Variants in ARHGAP28 observed in about 807,000 individuals in gnomAD.
The protein encoded by ARHGAP28 is Rho GTPase activating protein 28.
ARHGAP28 carries 56 observed loss-of-function variants against 90.7 expected under a neutral mutation model. The ratio of observed to expected loss-of-function variants is 0.62; its 90% CI spans 0.50 to 0.77. The LOEUF is 0.77. Among genes scored for constraint, ARHGAP28 ranks in the 30% least tolerant of loss-of-function variants. The pLI is 0.00. For synonymous variants in ARHGAP28, 308 were observed against 323.3 expected (o/e 0.95, Z 0.51); for missense variants, 869 against 900.9 (o/e 0.96, Z 0.45).
chr18:6,841,970 G>T (rs1178863515), intron 3 of ARHGAP28, among the ~76,000 whole-genome samples: 1 of 152,114 alleles, frequency 6.6e-6, no homozygotes, highest in Non-Finnish European at 1.5e-5. Flanking sequence ...TGCACTGTTT[G>T]GATTGAACCT....
intron 1 of ARHGAP28, among the ~76,000 whole-genome samples, chr18:6,733,445 A>AT (rs1014096626): frequency 1.6e-4 from 24 of 151,970 alleles, no homozygotes; most frequent in African/African-American, 5.6e-4. Flanking sequence ...CTTTTTTTAT[A>AT]TATAATTTCT....
At chr18:6,787,281 G>GA (rs143790742) in intron 1 of ARHGAP28, among the ~76,000 whole-genome samples, 262 of 106,680 alleles carry the variant, frequency 2.5e-3, no homozygotes, top group Non-Finnish European at 2.8e-3. Flanking sequence ...TTGAGGATAA[G>GA]AAAAAAAAAA....
rs187218509 is a variant in ARHGAP28, at chr18:6,915,275, G to A, written c.*3121G>A. Reference sequence around the variant, plus strand: ...TCAGGCATTTTCATCTGCTGTCCACGTATTTCACTTGACTGAAAGCTCATA... The same window carrying A: ...TCAGGCATTTTCATCTGCTGTCCACATATTTCACTTGACTGAAAGCTCATA... On this transcript the variant is annotated 3_prime_UTR_variant, in exon 18 of 18. Coordinates refer to ENST00000383472, the MANE Select transcript of ARHGAP28 (RefSeq NM_001366230.1). 3.7e-4 allele frequency: 57 copies of A among 152,216 alleles called. No homozygotes were observed. The highest frequency in any genetic ancestry group is 2.9e-3 in the Admixed American group (45 of 15,290). The allele number at this position is 152,216 out of a possible 1,614,324, so 9.4% of individuals were successfully genotyped here.
intron 9 of ARHGAP28, chr18:6,874,560 A>G (rs1399063282): frequency 1.3e-5 from 2 of 152,170 alleles, no homozygotes; most frequent in Non-Finnish European, 2.9e-5. Context: ...ATTTTGTGGA[A>G]TTTTAAATTG....
intron 15 of ARHGAP28, among the ~76,000 whole-genome samples, chr18:6,895,216 C>T (rs190678876): frequency 5.3e-5 from 8 of 152,214 alleles, no homozygotes; most frequent in Admixed American, 5.2e-4. Context: ...CATAGACGAT[C>T]AAAGGTGAAC....
At chr18:6,780,862 C>T (rs2056318833) in intron 1 of ARHGAP28, among the ~76,000 whole-genome samples, 1 of 149,066 alleles carries the variant, frequency 6.7e-6, no homozygotes, top group African/African-American at 2.5e-5. Flanking sequence ...ATTTGCACTC[C>T]AGCCTAGGCA....
intron 3 of ARHGAP28, among the ~76,000 whole-genome samples, chr18:6,846,829 T>A (rs1443997445): frequency 6.6e-6 from 1 of 152,190 alleles, no homozygotes; most frequent in Non-Finnish European, 1.5e-5. Context: ...GGGAAAGCTC[T>A]CCACCCTTGG....
intron 1 of ARHGAP28, among the ~76,000 whole-genome samples, chr18:6,783,173 C>T (rs2056338579): frequency 6.6e-6 from 1 of 152,142 alleles, no homozygotes; most frequent in Admixed American, 6.5e-5. Flanking sequence ...TTTAATGCTC[C>T]CCCTGCTTAC....
chr18:6,806,269 T>C (rs2056518534), intron 1 of ARHGAP28, among the ~76,000 whole-genome samples: 1 of 152,198 alleles, frequency 6.6e-6, no homozygotes, highest in African/African-American at 2.4e-5. Context: ...TTGCTTAACA[T>C]CTCTTTGTTG....
chr18:6,905,739 T>C (rs979158829), intron 16 of ARHGAP28, among the ~76,000 whole-genome samples: 1 of 152,152 alleles, frequency 6.6e-6, no homozygotes, highest in Non-Finnish European at 1.5e-5. Flanking sequence ...TCAATCACAT[T>C]GGAACATGTG....
chr18:6,827,610 G>A (rs1313645158), intron 2 of ARHGAP28, among the ~76,000 whole-genome samples: 2 of 135,412 alleles, frequency 1.5e-5, no homozygotes, highest in Admixed American at 7.2e-5. Flanking sequence ...ACCTCCCTCC[G>A]AGACGGGGCG....
intron 1 of ARHGAP28, among the ~76,000 whole-genome samples, chr18:6,744,972 T>C (rs1237849080): frequency 6.6e-6 from 1 of 151,916 alleles, no homozygotes; most frequent in Non-Finnish European, 1.5e-5. Context: ...AATTTAATTA[T>C]ATTTAATTTA....
chr18:6,905,636 C>T (rs1352408750), intron 16 of ARHGAP28, among the ~76,000 whole-genome samples: 2 of 152,016 alleles, frequency 1.3e-5, no homozygotes, highest in Non-Finnish European at 2.9e-5. Flanking sequence ...TAATTATCTA[C>T]ATATAAAATT....
chr18:6,864,788 T>C lies in ARHGAP28; in HGVS notation c.727-3362T>C, dbSNP rs60316796. Among the ~76,000 whole-genome samples the C allele has an allele frequency of 0.026, 3,956 of 152,222 alleles. 273 individuals are homozygous for C. In the East Asian group the frequency reaches 0.28, roughly 11 times the overall value. On this transcript the variant is annotated intron_variant, in intron 5 of 17. Transcript: ENST00000383472. ...CAGCCTTGAATGACTGGGTTCAAGCTGTTGGCCTATTTCTGCTTCCCCAGT... is the reference window on the plus strand; with the variant it reads ...CAGCCTTGAATGACTGGGTTCAAGCCGTTGGCCTATTTCTGCTTCCCCAGT...
chr18:6,746,516 T>G (rs972979956), intron 1 of ARHGAP28, among the ~76,000 whole-genome samples: 8 of 152,232 alleles, frequency 5.3e-5, no homozygotes, highest in African/African-American at 1.7e-4. Context: ...CGCCTACTCA[T>G]GAGGCTTGTG....
intron 2 of ARHGAP28, 105 bp from the exon 3 acceptor site, chr18:6,837,092 A>C (rs1357210231): frequency 8.3e-6 from 7 of 845,484 alleles, no homozygotes; most frequent in African/African-American, 1.9e-5. Flanking sequence ...TTACTGTAGA[A>C]AAAAAATACA....
chr18:6,876,075 A>C, intron 9 of ARHGAP28, 56 bp from the exon 10 acceptor site: 1 of 1,329,510 alleles, frequency 7.5e-7, no homozygotes, highest in South Asian at 1.2e-5. Context: ...TTACTGTTTC[A>C]TATGTTTATG....
chr18:6,887,362 C>A, intron 12 of ARHGAP28, 123 bp downstream of exon 12: 1 of 807,796 alleles, frequency 1.2e-6, no homozygotes, highest in South Asian at 1.5e-5. Flanking sequence ...TGCAAACACA[C>A]GGCCTTTCTG....
At chr18:6,851,701 T>C (rs1181176363) in intron 4 of ARHGAP28, among the ~76,000 whole-genome samples, 3 of 152,120 alleles carry the variant, frequency 2.0e-5, no homozygotes, top group Non-Finnish European at 4.4e-5. Context: ...ATCCACAAAA[T>C]GGAATATTAC....
Sources: gnomAD v4.1 joint callset for allele counts (sites outside exome capture counted in the v4.1 genomes callset) on GRCh38, gnomAD v4.1.1 for gene constraint, MANE v1.5 for transcripts, NCBI Gene and HGNC (gene_info 2026-07-23, HGNC 2026-07-21) for gene names.